RBFOX1: variants seen among roughly 807,000 people sequenced by gnomAD.
The protein encoded by RBFOX1 is RNA binding protein fox-1 homolog 1.
Under a neutral mutation model 57.7 loss-of-function variants are expected in RBFOX1, and 8 were observed. The observed-to-expected ratio is 0.14, with a 90% CI of 0.08 to 0.25. The LOEUF is 0.25. Among genes scored for constraint, RBFOX1 ranks in the 10% least tolerant of loss-of-function variants. RBFOX1 has a pLI of 1.00. For synonymous variants in RBFOX1, 326 were observed against 222.4 expected (o/e 1.47, Z -4.15); for missense variants, 611 against 548.5 (o/e 1.11, Z -1.14).
At chr16:7,389,743 A>G (rs2097958542) in intron 4 of RBFOX1, among the ~76,000 whole-genome samples, 1 of 152,180 alleles carries the variant, frequency 6.6e-6, no homozygotes, top group Non-Finnish European at 1.5e-5. Flanking sequence ...ATTCAGCAAC[A>G]ACACCAATAA....
At chr16:7,373,910 T>A (rs761605060) in intron 4 of RBFOX1, among the ~76,000 whole-genome samples, 1 of 152,208 alleles carries the variant, frequency 6.6e-6, no homozygotes, top group Non-Finnish European at 1.5e-5. Context: ...TCTTAGCTTA[T>A]AACTTAGGCT....
intron 4 of RBFOX1, among the ~76,000 whole-genome samples, chr16:7,230,117 T>C (rs1439704560): frequency 7.0e-6 from 1 of 142,996 alleles, no homozygotes; most frequent in South Asian, 2.3e-4. Context: ...AAGGGAGAGA[T>C]GGAAAGGAGG....
rs563653470 is a variant in RBFOX1, at chr16:5,401,296, C to T, written c.220-65920C>T. On this transcript the variant is annotated intron_variant, in intron 1 of 2. Coordinates refer to the RBFOX1 transcript ENST00000585867. ...TTTTATTCCCATAAATATACAAGTTCCTAGAAACCGTTTTGTCAGTGTTTT... is the reference window on the plus strand; with the variant it reads ...TTTTATTCCCATAAATATACAAGTTTCTAGAAACCGTTTTGTCAGTGTTTT... 8.7e-4 allele frequency among the ~76,000 whole-genome samples: 133 copies of T among 152,226 alleles called. 1 individual carries two copies. The highest frequency in any genetic ancestry group is 2.9e-3 in the African/African-American group (119 of 41,534).
At chr16:6,759,707 T>C (rs1603607923) in intron 3 of RBFOX1, among the ~76,000 whole-genome samples, 1 of 152,186 alleles carries the variant, frequency 6.6e-6, no homozygotes, top group Non-Finnish European at 1.5e-5. Flanking sequence ...TAGCCTTTAA[T>C]AGAATAACAG....
intron 3 of RBFOX1, among the ~76,000 whole-genome samples, chr16:6,880,310 G>A (rs2062675966): frequency 6.6e-6 from 1 of 152,192 alleles, no homozygotes; most frequent in Non-Finnish European, 1.5e-5. Flanking sequence ...AGACGAGGCA[G>A]CCAGAGAGAC....
chr16:7,563,820 A>T lies in RBFOX1; in HGVS notation c.271-15957A>T, dbSNP rs559854054. Among the ~76,000 whole-genome samples, 78 of 131,602 alleles carry T rather than the reference A, an allele frequency of 5.9e-4. 2 individuals carry two copies. In the East Asian group the frequency reaches 0.024, roughly 40 times the overall value. The allele number at this position is 131,602 out of a possible 152,430, so 86.3% of individuals were successfully genotyped here. On this transcript the variant is annotated intron_variant, in intron 5 of 15. Transcript: ENST00000550418. ...GAACCAAAAGCCAAATCTTTGCAACAAGAAGAGGAGAAGAAAGAGTGCTTT... is the reference window on the plus strand; with the variant it reads ...GAACCAAAAGCCAAATCTTTGCAACTAGAAGAGGAGAAGAAAGAGTGCTTT...
chr16:6,465,958 G>A (rs188434308), intron 2 of RBFOX1, among the ~76,000 whole-genome samples: 4 of 151,876 alleles, frequency 2.6e-5, no homozygotes, highest in Admixed American at 6.6e-5. Flanking sequence ...ACTGGGTGTC[G>A]TGGCTCATGC....
At chr16:6,834,464 C>G (rs1172222484) in intron 3 of RBFOX1, among the ~76,000 whole-genome samples, 9 of 151,902 alleles carry the variant, frequency 5.9e-5, no homozygotes, top group Non-Finnish European at 1.3e-4. Context: ...TGCCTATAGC[C>G]TTGCCTGGTA....
At chr16:6,360,626 T>C (rs1034006256) in intron 2 of RBFOX1, among the ~76,000 whole-genome samples, 4 of 152,244 alleles carry the variant, frequency 2.6e-5, no homozygotes, top group Non-Finnish European at 5.9e-5. Flanking sequence ...GGACCATCTA[T>C]TACTTGACAA....
intron 1 of RBFOX1, among the ~76,000 whole-genome samples, chr16:5,423,497 C>T (rs927713845): frequency 2.0e-5 from 3 of 152,188 alleles, no homozygotes; most frequent in Non-Finnish European, 4.4e-5. Context: ...TTTTGAGCTT[C>T]CGCCACCACC....
At chr16:6,156,742 G>A (rs1290011427) in intron 1 of RBFOX1, among the ~76,000 whole-genome samples, 2 of 152,118 alleles carry the variant, frequency 1.3e-5, no homozygotes, top group South Asian at 2.1e-4. Context: ...AACCAGAGAC[G>A]TGCTTATTTC....
chr16:6,397,393 C>A (rs1026160575), intron 2 of RBFOX1, among the ~76,000 whole-genome samples: 2 of 152,080 alleles, frequency 1.3e-5, no homozygotes, highest in Admixed American at 6.6e-5. Flanking sequence ...ATAATGACGT[C>A]TTTTAATGGT....
At chr16:5,810,396 T>A (rs531751294) in intron 3 of RBFOX1, among the ~76,000 whole-genome samples, 2 of 152,282 alleles carry the variant, frequency 1.3e-5, no homozygotes, top group South Asian at 4.2e-4. Context: ...AATAAACCAA[T>A]CTTGCTGACA....
intron 3 of RBFOX1, among the ~76,000 whole-genome samples, chr16:5,841,040 G>A (rs1233268802): frequency 6.6e-6 from 1 of 152,226 alleles, no homozygotes; most frequent in Non-Finnish European, 1.5e-5. Flanking sequence ...AACGTCTCAG[G>A]CAGGTTAGCA....
At chr16:6,766,020 T>C (rs1372516847) in intron 3 of RBFOX1, among the ~76,000 whole-genome samples, 1 of 152,074 alleles carries the variant, frequency 6.6e-6, no homozygotes, top group Non-Finnish European at 1.5e-5. Flanking sequence ...ACTACCTATT[T>C]AGTACAACGT....
Position 5,961,613 on chromosome 16 carries a change from C to T in RBFOX1, c.351+94278C>T, listed in dbSNP as rs142023002. ...TGGCTCACTGCAGCCTCAACCTCCC[C>T]AGTTCAAACAATCCTCCCACCTCAG... is the stretch of plus-strand genomic sequence containing the variant. On this transcript the variant is annotated intron_variant, in intron 4 of 19. Coordinates refer to the RBFOX1 transcript ENST00000641259. Among the ~76,000 whole-genome samples, 149 of 152,236 alleles carry T rather than the reference C, an allele frequency of 9.8e-4. 1 individual carries two copies. The highest frequency in any genetic ancestry group is 2.1e-4 in the Non-Finnish European group (14 of 68,000).
intron 4 of RBFOX1, among the ~76,000 whole-genome samples, chr16:7,077,454 A>C (rs2058484420): frequency 6.6e-6 from 1 of 152,184 alleles, no homozygotes; most frequent in Non-Finnish European, 1.5e-5. Flanking sequence ...AGTCTCAAAG[A>C]CGAACTAATC....
chr16:6,417,412 CTTTTTTT>C (rs35363634), intron 2 of RBFOX1, among the ~76,000 whole-genome samples: 1 of 116,154 alleles, frequency 8.6e-6, no homozygotes, highest in African/African-American at 3.2e-5. Flanking sequence ...AATGTGTTTA[CTTTTTTT>C]TTTTTTTTTT....
At position 7,573,515 on chromosome 16, in the gene RBFOX1, A is replaced by AAATAT. The variant is rs2093005334; in HGVS notation, c.271-6262_271-6261insAATAT. Among the ~76,000 whole-genome samples, 5 of 152,254 alleles carry AAATAT rather than the reference A, an allele frequency of 3.3e-5. No homozygotes were observed. In the Middle Eastern group the frequency reaches 0.017, roughly 518 times the overall value. ...CTCCCAAATATGGTAATGTCCATTC[A>AAATAT]GGTAGGTCTCACTTTAGAGCCAAAC... On this transcript the variant is annotated intron_variant, in intron 5 of 15. Coordinates refer to ENST00000550418, the MANE Select transcript of RBFOX1 (RefSeq NM_018723.4).
Sources: gnomAD v4.1 joint callset for allele counts (sites outside exome capture counted in the v4.1 genomes callset) on GRCh38, gnomAD v4.1.1 for gene constraint, MANE v1.5 for transcripts, NCBI Gene and HGNC (gene_info 2026-07-23, HGNC 2026-07-21) for gene names.